Variants in POC1B observed in about 807,000 individuals in gnomAD.
POC1B encodes POC1 centriolar protein B.
In POC1B, 44 loss-of-function variants were observed where a neutral mutation model predicts 60.6. The observed-to-expected ratio is 0.73, with a 90% CI of 0.57 to 0.93. The LOEUF is 0.93. Among genes scored for constraint, POC1B ranks in the 40% least tolerant of loss-of-function variants. The probability of loss-of-function intolerance (pLI) is 0.00; values close to 1 mark genes in which losing one functional copy is unlikely to be tolerated. For missense variants in POC1B, 555 were observed against 572.3 expected, an observed-to-expected ratio of 0.97 and a Z score of 0.31; for synonymous variants, 180 against 198.9, an observed-to-expected ratio of 0.90 and a Z score of 0.80.
Position 89,420,020 on chromosome 12 carries a change from T to A in POC1B, c.*1133A>T, listed in dbSNP as rs1037988140. ...ATTTCTTCTTTTCCAAAACACAGAA[T>A]AGCATTTTCCCCATGTTACCTATAC... On this transcript the variant is annotated 3_prime_UTR_variant, in exon 12 of 12. Transcript: ENST00000313546. The A allele has an allele frequency of 6.6e-6, 1 of 152,186 alleles. No individual in the cohort carries two copies. The highest frequency in any genetic ancestry group is 1.5e-5 in the Non-Finnish European group (1 of 68,020). 9.4% of individuals were successfully genotyped at this position (152,186 alleles called of 1,614,324 possible). A position where few individuals can be genotyped will look rare whatever the true frequency, so the allele number is the denominator to read the frequency against.
chr12:89,509,586 G>C (rs1870075414), intron 2 of POC1B, among the ~76,000 whole-genome samples: 1 of 152,150 alleles, frequency 6.6e-6, no homozygotes, highest in African/African-American at 2.4e-5. Context: ...TAAGAAATTA[G>C]CTATAAATAG....
chr12:89,515,793 A>G (rs1870415301), intron 2 of POC1B, among the ~76,000 whole-genome samples: 2 of 152,126 alleles, frequency 1.3e-5, no homozygotes, highest in African/African-American at 4.8e-5. Context: ...CCATGTTCTC[A>G]TCCAGACCCA....
the POC1B span, among the ~76,000 whole-genome samples, chr12:89,405,845 C>T: frequency 2.6e-5 from 4 of 151,754 alleles, no homozygotes; most frequent in Admixed American, 2.6e-4. Context: ...GTCCCAGATA[C>T]TTGGGAGGCT....
chr12:89,465,717 G>A lies in POC1B; in HGVS notation c.1032+1053C>T, dbSNP rs1270405217. Among the ~76,000 whole-genome samples, 3 of 152,078 alleles carry A rather than the reference G, an allele frequency of 2.0e-5. No homozygotes were observed. In the East Asian group the frequency reaches 5.8e-4, roughly 29 times the overall value. ...ACATGATTAATACTTTAGAAGAACT[G>A]AAAAGATTGTCAGAAGTTGGAAAAG... is the stretch of plus-strand genomic sequence containing the variant. On this transcript the variant is annotated intron_variant, in intron 9 of 11. Coordinates refer to ENST00000313546, the MANE Select transcript of POC1B (RefSeq NM_172240.3).
chr12:89,435,193 T>C (rs1881204642), intron 10 of POC1B, among the ~76,000 whole-genome samples: 1 of 150,826 alleles, frequency 6.6e-6, no homozygotes, highest in Non-Finnish European at 1.5e-5. Flanking sequence ...TTTTTTTTTT[T>C]TTTTTGAGAT....
intron 10 of POC1B, among the ~76,000 whole-genome samples, chr12:89,434,357 A>G (rs1881163119): frequency 1.3e-5 from 2 of 152,226 alleles, no homozygotes; most frequent in South Asian, 4.1e-4. Context: ...CACCTCGGAA[A>G]AGACAGCTGA....
chr12:89,449,785 T>A (rs867175046), intron 10 of POC1B, among the ~76,000 whole-genome samples: 2 of 152,084 alleles, frequency 1.3e-5, no homozygotes, highest in Non-Finnish European at 2.9e-5. Flanking sequence ...AAAGGTATGA[T>A]AATGGATCAA....
At position 89,421,239 on chromosome 12, in the gene POC1B, G is replaced by T. The variant is rs577867306; in HGVS notation, c.1351C>A (p.Gln451Lys). 1 of 1,596,924 alleles carries T rather than the reference G, an allele frequency of 6.3e-7. No homozygotes were observed. Among genetic ancestry groups the T allele is most frequent in the South Asian group, 1.1e-5 (1 of 89,458 alleles). Reference sequence around the variant, plus strand: ...TTATCCTCTGTCAAAGTCAGTCGCTGCTCCAAGATTGAAACAGTCTGCAAA... The same window carrying T: ...TTATCCTCTGTCAAAGTCAGTCGCTTCTCCAAGATTGAAACAGTCTGCAAA... ...VLTQTVSILE[Q>K]RLTLTEDKLK... The change falls in exon 12 of 12, where the codon CAG becomes AAG. Residue 451 changes from glutamine to lysine, a missense_variant. Transcript: ENST00000313546.
At chr12:89,421,942 A>G (rs1180285322) in intron 11 of POC1B, among the ~76,000 whole-genome samples, 1 of 152,150 alleles carries the variant, frequency 6.6e-6, no homozygotes, top group Non-Finnish European at 1.5e-5. Flanking sequence ...ACACATATAC[A>G]TATATATATT....
rs149821523 is a variant in POC1B at position 89,498,237 on chromosome 12, CGT to C, written c.101-897_101-896del. On this transcript the variant is annotated intron_variant, in intron 2 of 11. Transcript: ENST00000313546. ...TGATTAATAAAAGAATTAAAAGAATCGTGTGTGTCAGACAATAGTTTAAGGAT... is the reference window on the plus strand; with the variant it reads ...TGATTAATAAAAGAATTAAAAGAATCGTGTGTCAGACAATAGTTTAAGGAT... Among the ~76,000 whole-genome samples the C allele has an allele frequency of 2.0e-5, 3 of 152,146 alleles. No homozygotes were observed. In the East Asian group the frequency reaches 5.8e-4, roughly 29 times the overall value.
At chr12:89,465,899 G>T (rs1882665316) in intron 9 of POC1B, among the ~76,000 whole-genome samples, 1 of 152,220 alleles carries the variant, frequency 6.6e-6, no homozygotes, top group Admixed American at 6.5e-5. Flanking sequence ...ACTAGCAGAA[G>T]TGCCTGAGAT....
Position 89,421,143 on chromosome 12 carries a change from A to C in POC1B, c.*10T>G, listed in dbSNP as rs766515739. ...GGCCTCTGCCCAACAAATGAAAATGAATTTTTTATTCAGCTTTTCTGTTGG... is the reference window on the plus strand; with the variant it reads ...GGCCTCTGCCCAACAAATGAAAATGCATTTTTTATTCAGCTTTTCTGTTGG... On this transcript the variant is annotated 3_prime_UTR_variant, in exon 12 of 12. Coordinates refer to ENST00000313546, the MANE Select transcript of POC1B (RefSeq NM_172240.3). 10 of 1,570,320 alleles carry C rather than the reference A, an allele frequency of 6.4e-6. No homozygotes were observed. In the African/African-American group the frequency reaches 1.2e-4, roughly 19 times the overall value.
chr12:89,416,672 T>C (rs1247903062), downstream of POC1B, among the ~76,000 whole-genome samples: 1 of 152,216 alleles, frequency 6.6e-6, no homozygotes, highest in Non-Finnish European at 1.5e-5. Flanking sequence ...ATTGCTGCCA[T>C]GGAGGAATAC....
intron 10 of POC1B, among the ~76,000 whole-genome samples, chr12:89,444,875 A>C (rs1881705623): frequency 6.6e-6 from 1 of 152,150 alleles, no homozygotes; most frequent in Non-Finnish European, 1.5e-5. Context: ...TCAGCCCAAA[A>C]TCTCCTTAAG....
rs60679774 is a variant in POC1B, at chr12:89,514,402, CTTTTTTT to C, written c.100+10711_100+10717del. On this transcript the variant is annotated intron_variant, in intron 2 of 11. Transcript: ENST00000313546. ...ATAAGTTACTCAGTTTCATGTATTT[CTTTTTTT>C]TTTTTTTTTTTTTTTTTTAGACGAA... is the stretch of plus-strand genomic sequence containing the variant. Among the ~76,000 whole-genome samples the C allele has an allele frequency of 1.3e-4, 9 of 67,094 alleles. 1 individual carries two copies. In the South Asian group the frequency reaches 2.1e-3, roughly 16 times the overall value. The allele number at this position is 67,094 out of a possible 152,430, so 44.0% of individuals were successfully genotyped here.
intron 10 of POC1B, chr12:89,426,082 T>C (rs1047904620): frequency 6.6e-6 from 1 of 152,224 alleles, no homozygotes; most frequent in Non-Finnish European, 1.5e-5. Context: ...TTCTGATACA[T>C]GTTATAACAT....
At chr12:89,447,472 T>C (rs535233056) in intron 10 of POC1B, among the ~76,000 whole-genome samples, 8 of 152,304 alleles carry the variant, frequency 5.3e-5, no homozygotes, top group Middle Eastern at 6.8e-3. Flanking sequence ...TTTCTAAAAG[T>C]ACAAATCTGA....
intron 4 of POC1B, among the ~76,000 whole-genome samples, chr12:89,476,962 G>C (rs550258291): frequency 2.0e-5 from 3 of 152,276 alleles, no homozygotes; most frequent in South Asian, 2.1e-4. Flanking sequence ...TCAGTAGTAG[G>C]AGGAAGCAGT....
At chr12:89,467,864 A>G (rs1882742776) in intron 7 of POC1B, among the ~76,000 whole-genome samples, 179 bp from the exon 8 acceptor site, 1 of 152,176 alleles carries the variant, frequency 6.6e-6, no homozygotes, top group South Asian at 2.1e-4. Flanking sequence ...CAAAGAATCA[A>G]CCCAATCATA....
Sources: allele counts gnomAD v4.1 joint callset (sites outside exome capture counted in the v4.1 genomes callset), GRCh38; gene constraint gnomAD v4.1.1; transcripts MANE v1.5; gene names NCBI Gene and HGNC (gene_info 2026-07-23, HGNC 2026-07-21).